The following SSBP3 variants were observed in gnomAD, a reference collection of about 807,000 sequenced individuals.
The protein encoded by SSBP3 is single-stranded DNA-binding protein 3.
A neutral mutation model predicts 69.6 loss-of-function variants in SSBP3; 5 were observed. That is an observed-to-expected ratio of 0.07 (90% CI 0.04 to 0.15). SSBP3 has a LOEUF of 0.15. Among genes scored for constraint, SSBP3 ranks in the 10% least tolerant of loss-of-function variants. The pLI, the probability that SSBP3 is intolerant of heterozygous loss-of-function variation, is 1.00. For synonymous variants in SSBP3, 196 were observed against 193.4 expected, an observed-to-expected ratio of 1.01 and a Z score of -0.11; for missense variants, 312 against 534.0, an observed-to-expected ratio of 0.58 and a Z score of 4.10.
At position 54,247,744 on chromosome 1, in the gene SSBP3, A is replaced by AC. The variant is rs1191592393; in HGVS notation, c.651+3871dup. Among the ~76,000 whole-genome samples the AC allele has an allele frequency of 7.2e-5, 11 of 152,190 alleles. 1 individual carries two copies. Among genetic ancestry groups the AC allele is most frequent in the African/African-American group, 2.6e-4 (11 of 41,514 alleles). ...ATTGGCACCCCGGGGTCTGGGAGCC[A>AC]CCGCACTTCTGGTGGGGGCTGGCAT... On this transcript the variant is annotated intron_variant, in intron 9 of 17. Coordinates refer to ENST00000610401, the Ensembl canonical transcript of SSBP3.
At chr1:54,237,827 A>C in intron 14 of SSBP3, 1 of 296,226 alleles carries the variant, frequency 3.4e-6, no homozygotes, top group Non-Finnish European at 6.7e-6. Context: ...AACATGCATG[A>C]CTGCAGCGTG....
intron 4 of SSBP3, among the ~76,000 whole-genome samples, chr1:54,314,332 C>T (rs1017771445): frequency 2.0e-5 from 3 of 152,192 alleles, no homozygotes; most frequent in African/African-American, 4.8e-5. Flanking sequence ...TACCATGTAG[C>T]GCAAACTCCA....
rs571089347 is a variant in SSBP3, at chr1:54,257,220, T to A, written c.448-34A>T. On this transcript the variant is annotated intron_variant, in intron 6 of 17. Coordinates refer to ENST00000610401, the Ensembl canonical transcript of SSBP3. ...ATAGGTAATTAGTTCAATGACAGCC[T>A]GCCCTACTGCACAGTGACAAACACA... 9.6e-6 allele frequency: 15 copies of A among 1,567,604 alleles called. No homozygotes were observed. In the South Asian group the frequency reaches 1.7e-4, roughly 17 times the overall value.
intron 9 of SSBP3, among the ~76,000 whole-genome samples, chr1:54,244,957 G>A (rs1644707565): frequency 6.6e-6 from 1 of 152,086 alleles, no homozygotes; most frequent in African/African-American, 2.4e-5. Context: ...GACTCCAAGT[G>A]CCCTTTGAAG....
chr1:54,271,479 C>T (rs564698939), intron 5 of SSBP3, among the ~76,000 whole-genome samples: 22 of 152,292 alleles, frequency 1.4e-4, no homozygotes, highest in Admixed American at 5.9e-4. Context: ...ATTTGCTGCG[C>T]GACTGTTCCT....
intron 1 of SSBP3, 152 bp from the exon 2 acceptor site, chr1:54,405,082 G>C: frequency 1.4e-6 from 1 of 697,178 alleles, no homozygotes; most frequent in Non-Finnish European, 2.6e-6. Context: ...CCCAAACAGG[G>C]CCGCCAGGTG....
intron 5 of SSBP3, among the ~76,000 whole-genome samples, chr1:54,270,514 T>C (rs970351245): frequency 6.6e-6 from 1 of 152,162 alleles, no homozygotes; most frequent in African/African-American, 2.4e-5. Context: ...TTGGTCAAAC[T>C]GAAGGGTTAA....
chr1:54,244,655 G>A (rs976448112), intron 9 of SSBP3, among the ~76,000 whole-genome samples: 5 of 152,166 alleles, frequency 3.3e-5, no homozygotes, highest in Admixed American at 6.5e-5. Flanking sequence ...ACCAGGCCTC[G>A]TATCACGCGC....
intron 4 of SSBP3, among the ~76,000 whole-genome samples, chr1:54,341,884 C>A (rs11808489): frequency 6.6e-6 from 1 of 152,008 alleles, no homozygotes; most frequent in African/African-American, 2.4e-5. Flanking sequence ...GCACCTTCCA[C>A]GCAGAAGGAA....
At chr1:54,411,275 C>A (rs558706809), upstream of SSBP3, among the ~76,000 whole-genome samples, 2 of 152,052 alleles carry the variant, frequency 1.3e-5, no homozygotes, top group South Asian at 4.2e-4. Flanking sequence ...GTCAAGAGTT[C>A]GAGACCAGCC....
intron 13 of SSBP3, among the ~76,000 whole-genome samples, chr1:54,240,047 G>GGTGTGT (rs71066910): frequency 0.014 from 1,047 of 77,546 alleles, 10 homozygotes; most frequent in Non-Finnish European, 0.019. Context: ...ATTGTGATGG[G>GGTGTGT]GTGTGTGTGT....
chr1:54,242,329 C>T (rs893551188), intron 10 of SSBP3, 117 bp from the exon 11 acceptor site: 3 of 1,243,918 alleles, frequency 2.4e-6, no homozygotes, highest in Non-Finnish European at 3.5e-6. Flanking sequence ...CTTCCTACAG[C>T]CCTGCGGTTT....
intron 4 of SSBP3, among the ~76,000 whole-genome samples, chr1:54,320,220 G>A (rs960353906): frequency 6.6e-6 from 1 of 152,178 alleles, no homozygotes; most frequent in Non-Finnish European, 1.5e-5. Flanking sequence ...TGAGAAATGG[G>A]GTGACACTGG....
intron 4 of SSBP3, among the ~76,000 whole-genome samples, chr1:54,288,260 G>A (rs12076146): frequency 0.017 from 2,540 of 152,232 alleles, 73 homozygotes; most frequent in African/African-American, 0.058. Flanking sequence ...CAGCTCTGGC[G>A]GCAAACCACC....
At chr1:54,233,034 G>T (rs185647901) in intron 14 of SSBP3, among the ~76,000 whole-genome samples, 1,955 of 151,920 alleles carry the variant, frequency 0.013, 43 homozygotes, top group African/African-American at 0.045. Context: ...TCTCTGCCTG[G>T]CCACCCATCG....
chr1:54,314,898 C>A (rs1014753572), intron 4 of SSBP3, among the ~76,000 whole-genome samples: 4 of 152,170 alleles, frequency 2.6e-5, no homozygotes, highest in African/African-American at 9.7e-5. Flanking sequence ...ATCTGGCCAA[C>A]CTTCCTTGAT....
At chr1:54,246,039 T>C in intron 9 of SSBP3, among the ~76,000 whole-genome samples, 1 of 152,160 alleles carries the variant, frequency 6.6e-6, no homozygotes, top group Non-Finnish European at 1.5e-5. Flanking sequence ...CCCTGCAGCA[T>C]GGCTCTGGCT....
rs1557449281 is a variant in SSBP3, at chr1:54,240,121, C to CG, written c.856+783_856+784insC. 3.9e-3 allele frequency among the ~76,000 whole-genome samples: 52 copies of CG among 13,496 alleles called. 1 individual carries two copies. Among genetic ancestry groups the CG allele is most frequent in the East Asian group, 0.02 (4 of 200 alleles). The allele number at this position is 13,496 out of a possible 152,430, so 8.9% of individuals were successfully genotyped here. On this transcript the variant is annotated intron_variant, in intron 13 of 17. Coordinates refer to ENST00000610401, the Ensembl canonical transcript of SSBP3. ...GCGCGTGTGCGTGCGCGCGCGCGCG[C>CG]AACACATGCCCACGTATGTGCACGC...
At chr1:54,340,930 G>T (rs1455574978) in intron 4 of SSBP3, among the ~76,000 whole-genome samples, 1 of 152,226 alleles carries the variant, frequency 6.6e-6, no homozygotes, top group African/African-American at 2.4e-5. Flanking sequence ...CAGGGCAGTG[G>T]AAAGAACCAG....
Sources: gnomAD v4.1 joint callset for allele counts (sites outside exome capture counted in the v4.1 genomes callset) on GRCh38, gnomAD v4.1.1 for gene constraint, MANE v1.5 for transcripts, NCBI Gene and HGNC (gene_info 2026-07-23, HGNC 2026-07-21) for gene names.